Variants in ITIH6 observed in about 807,000 individuals in gnomAD.
The protein encoded by ITIH6 is inter-alpha-trypsin inhibitor heavy chain H6.
ITIH6 carries 60 observed loss-of-function variants against 58.2 expected under a neutral mutation model. That is an observed-to-expected ratio of 1.03 (90% CI 0.84 to 1.28). The LOEUF (loss-of-function observed/expected upper bound fraction) is 1.28. Among genes scored for constraint, ITIH6 ranks in the 50% most tolerant of loss-of-function variants. The pLI, the probability that ITIH6 is intolerant of heterozygous loss-of-function variation, is 0.00. For synonymous variants in ITIH6, 493 were observed against 417.4 expected (o/e 1.18, Z -2.21); for missense variants, 1,290 against 1,021.1 (o/e 1.26, Z -3.59).
At chrX:54,785,691 C>G (rs776638172) in intron 5 of ITIH6, among the ~76,000 whole-genome samples, 1 of 111,652 alleles carries the variant, frequency 9.0e-6, no homozygotes, top group Non-Finnish European at 1.9e-5. Context: ...TGTCTGCCCA[C>G]TCCCTTCGCA....
At chrX:54,763,994 T>C (rs1928712594) in intron 6 of ITIH6, among the ~76,000 whole-genome samples, 2 of 112,331 alleles carry the variant, frequency 1.8e-5, no homozygotes, top group Non-Finnish European at 3.8e-5. Flanking sequence ...TGTCCAAAAC[T>C]AATACAGCTA....
In ITIH6 at chrX:54,757,664, C is replaced by T. The variant is rs1014707092; in HGVS notation, c.2410G>A (p.Gly804Ser). The part of the protein sequence containing the change: ...LGALTSQAPK[G>S]LPQSRPGVST... ...ACTCCAGGTCTTGACTGTGGCAGGC[C>T]TTTAGGTGCCTGTGATGTGAGTGCC... Residue 804 changes from glycine to serine, a missense_variant, in exon 8 of 13, where the codon GGC becomes AGC. By Grantham distance (56) the Gly-to-Ser change is moderately conservative. Coordinates refer to ENST00000218436, the MANE Select transcript of ITIH6 (RefSeq NM_198510.3). 1 of 1,210,332 alleles carries T rather than the reference C, an allele frequency of 8.3e-7. No homozygotes were observed. Among genetic ancestry groups the T allele is most frequent in the South Asian group, 1.8e-5 (1 of 56,862 alleles).
At position 54,788,561 on chromosome X, in the gene ITIH6, C is replaced by T. The variant is rs762443615; in HGVS notation, c.705G>A (p.Ser235=). The T allele has an allele frequency of 9.9e-6, 12 of 1,207,668 alleles. No homozygotes were observed. Among genetic ancestry groups the T allele is most frequent in the African/African-American group, 3.5e-5 (2 of 56,931 alleles). Residue 235 remains serine, a synonymous_variant, in exon 5 of 13, where the codon TCG becomes TCA. Coordinates refer to ENST00000218436, the MANE Select transcript of ITIH6 (RefSeq NM_198510.3). ...ITYCPTLQDQ[S]SISGSGIMAD... is the part of the protein sequence containing the mutation. ...CCATGATGCCTGACCCAGAGATGGA[C>T]GACTGGTCTTGCAATGTCGGGCAGT...
chrX:54,779,776 AC>A (rs1929117076), intron 5 of ITIH6, among the ~76,000 whole-genome samples: 1 of 111,017 alleles, frequency 9.0e-6, no homozygotes, highest in Admixed American at 9.6e-5. Context: ...AATAAGACCC[AC>A]TGATCTGTTG....
chrX:54,776,988 C>T (rs542172059), intron 5 of ITIH6, among the ~76,000 whole-genome samples: 1 of 112,344 alleles, frequency 8.9e-6, no homozygotes, highest in Non-Finnish European at 1.9e-5. Flanking sequence ...CAAGCAGGCT[C>T]TTGAGGTCCT....
chrX:54,754,582 C>T (rs1325661225), intron 9 of ITIH6, among the ~76,000 whole-genome samples: 1 of 111,676 alleles, frequency 9.0e-6, no homozygotes, highest in Non-Finnish European at 1.9e-5. Flanking sequence ...AGGGGGACCA[C>T]ATGGCAAGGA....
chrX:54,755,619 G>A (rs1242455730), intron 8 of ITIH6, among the ~76,000 whole-genome samples: 1 of 110,417 alleles, frequency 9.1e-6, no homozygotes, highest in Non-Finnish European at 1.9e-5. Context: ...AAGGGCAGCA[G>A]GAAGGGGTAG....
In ITIH6 at chrX:54,750,107, C is replaced by A; in HGVS notation, c.3731-1G>T. 8.4e-7 allele frequency: 1 copy of A among 1,196,551 alleles called. No individual in the cohort carries two copies. Among genetic ancestry groups the A allele is most frequent in the African/African-American group, 1.7e-5 (1 of 57,455 alleles). ...CGGATGTCTGCGTGCTGGAACTGCC[C>A]TGAGGGAGAGAGATGCAGTGCTAGT... On this transcript the variant is annotated splice_acceptor_variant, in intron 12 of 12. Coordinates refer to ENST00000218436, the MANE Select transcript of ITIH6 (RefSeq NM_198510.3). LOFTEE classifies it high-confidence loss of function.
intron 11 of ITIH6, among the ~76,000 whole-genome samples, chrX:54,753,034 G>C (rs1928398498): frequency 8.9e-6 from 1 of 112,548 alleles, no homozygotes; most frequent in Non-Finnish European, 1.9e-5. Flanking sequence ...AAATGCCTGG[G>C]AAAGCCTCAC....
At position 54,757,772 on chromosome X, in the gene ITIH6, G is replaced by C. The variant is rs1374639410; in HGVS notation, c.2302C>G (p.Pro768Ala). The change falls in exon 8 of 13, where the codon CCA (proline) becomes GCA (alanine). Residue 768 changes from proline (P) to alanine (A), a missense_variant. Physicochemically the swap from Pro to Ala is conservative, Grantham distance 27. Coordinates refer to ENST00000218436, the MANE Select transcript of ITIH6 (RefSeq NM_198510.3). ...TQVPPVKPGI[P>A]ASPKADTVKC... ...ACAGTGTCAGCTTTGGGCGAGGCTGGGATGCCAGGTTTCACAGGTGGGACT... is the reference window on the plus strand; with the variant it reads ...ACAGTGTCAGCTTTGGGCGAGGCTGCGATGCCAGGTTTCACAGGTGGGACT... The C allele has an allele frequency of 4.1e-6, 5 of 1,211,748 alleles. No homozygotes were observed. In the South Asian group the frequency reaches 5.3e-5, roughly 13 times the overall value.
chrX:54,790,739 G>T, intron 4 of ITIH6, 98 bp downstream of exon 4: 2 of 1,048,609 alleles, frequency 1.9e-6, no homozygotes, highest in South Asian at 2.1e-5. Flanking sequence ...AGTGAGTACA[G>T]AGCAGAAGTG....
intron 5 of ITIH6, among the ~76,000 whole-genome samples, chrX:54,783,312 C>A (rs746937847): frequency 9.0e-6 from 1 of 111,663 alleles, no homozygotes; most frequent in Non-Finnish European, 1.9e-5. Context: ...CACTGTTATT[C>A]CACAAAGTAC....
At chrX:54,796,464 T>A (rs1474589779) in intron 2 of ITIH6, among the ~76,000 whole-genome samples, 5 of 110,955 alleles carry the variant, frequency 4.5e-5, no homozygotes, top group Non-Finnish European at 9.4e-5. Context: ...GGTGGGCAGA[T>A]CACGAGGTCA....
chrX:54,765,444 G>A (rs2147607015), intron 6 of ITIH6, among the ~76,000 whole-genome samples: 1 of 101,369 alleles, frequency 9.9e-6, no homozygotes, highest in East Asian at 3.1e-4. Flanking sequence ...TGTATAAGGT[G>A]TAAGGAAGGG....
At chrX:54,778,195 CTTTTTTTT>C (rs1333374493) in intron 5 of ITIH6, among the ~76,000 whole-genome samples, 1 of 92,441 alleles carries the variant, frequency 1.1e-5, no homozygotes. Flanking sequence ...GCACCAGAGT[CTTTTTTTT>C]TTTTTTTTTT....
At chrX:54,762,588 C>A (rs755366197) in intron 6 of ITIH6, among the ~76,000 whole-genome samples, 5 of 112,104 alleles carry the variant, frequency 4.5e-5, no homozygotes, top group Admixed American at 3.8e-4. Context: ...TATTTATTCA[C>A]ATCTTTACTG....
chrX:54,754,034 A>T, intron 9 of ITIH6, 69 bp from the exon 10 acceptor site: 1 of 1,070,179 alleles, frequency 9.3e-7, no homozygotes, highest in Non-Finnish European at 1.3e-6. Flanking sequence ...TCTGGGACAT[A>T]CTCCCAGATA....
chrX:54,769,113 C>G (rs1467681394), intron 6 of ITIH6, among the ~76,000 whole-genome samples: 1 of 95,255 alleles, frequency 1.0e-5, no homozygotes, highest in Admixed American at 1.2e-4. Flanking sequence ...TCCCTTCTCG[C>G]TTCATTTCAT....
intron 6 of ITIH6, 100 bp downstream of exon 6, chrX:54,773,981 T>C: frequency 2.2e-6 from 1 of 458,926 alleles, no homozygotes; most frequent in South Asian, 3.7e-5. Context: ...GGTCATGGGA[T>C]GGTGGAATCT....
Sources: gnomAD v4.1 joint callset for allele counts (sites outside exome capture counted in the v4.1 genomes callset) on GRCh38, gnomAD v4.1.1 for gene constraint, MANE v1.5 for transcripts, NCBI Gene and HGNC (gene_info 2026-07-23, HGNC 2026-07-21) for gene names.